The following LRCH2 variants were observed in gnomAD, a reference collection of about 807,000 sequenced individuals.
LRCH2 encodes leucine rich repeats and calponin homology domain containing 2.
LRCH2 carries 38 observed loss-of-function variants against 68.9 expected under a neutral mutation model. That is an observed-to-expected ratio of 0.55 (90% CI 0.43 to 0.72). The LOEUF is 0.72. LRCH2 is among the 30% of genes least tolerant of loss of function. LRCH2 has a pLI of 0.00. For synonymous variants in LRCH2, 191 were observed against 208.1 expected (o/e 0.92, Z 0.71); for missense variants, 528 against 572.9 (o/e 0.92, Z 0.80).
chrX:115,125,681 A>G (rs1159891653), intron 16 of LRCH2, among the ~76,000 whole-genome samples: 2 of 95,981 alleles, frequency 2.1e-5, no homozygotes, highest in East Asian at 3.1e-4. Context: ...ATATATATCA[A>G]TGTAAATTAT....
chrX:115,140,999 G>A (rs1556533988), intron 14 of LRCH2, among the ~76,000 whole-genome samples: 2 of 109,787 alleles, frequency 1.8e-5, no homozygotes, highest in Non-Finnish European at 1.9e-5. Flanking sequence ...TTGGGAGGCC[G>A]AGAGGGGTGG....
rs1189700234 is a variant in LRCH2, at chrX:115,159,725, T to C, written c.1464-3058A>G. Among the ~76,000 whole-genome samples the C allele has an allele frequency of 5.1e-5, 5 of 98,182 alleles. No homozygotes were observed. The South Asian group carries it at 2.6e-3, about 51-fold the overall frequency. 85.3% of individuals were successfully genotyped at this position (98,182 alleles called of 115,157 possible). ...GAGATCACGCCACTGCACTCCAGCC[T>C]GGACGACAGAGTGAGACTGTCTCAA... On this transcript the variant is annotated intron_variant, in intron 11 of 20. Coordinates refer to ENST00000317135, the MANE Select transcript of LRCH2 (RefSeq NM_020871.4).
intron 1 of LRCH2, chrX:115,191,928 C>A: frequency 8.6e-7 from 1 of 1,166,941 alleles, no homozygotes; most frequent in Non-Finnish European, 1.1e-6. Flanking sequence ...TCGATGCCAA[C>A]AGCGGAGGCC....
rs1234687005 is a variant in LRCH2 at position 115,179,660 on chromosome X, T to C, written c.713A>G (p.His238Arg). 1.7e-6 allele frequency: 2 copies of C among 1,146,686 alleles called. No homozygotes were observed. Among genetic ancestry groups the C allele is most frequent in the Non-Finnish European group, 2.3e-6 (2 of 864,264 alleles). 94.5% of individuals were successfully genotyped at this position (1,146,686 alleles called of 1,213,427 possible). A position where few individuals can be genotyped will look rare whatever the true frequency, so the allele number is the denominator to read the frequency against. ...RELNIRRNNL[H>R]VLPDELGDLP... The stretch of plus-strand genomic sequence containing the variant: ...GAACATCTTACCATCTGGCAAAACA[T>C]GAAGATTATTTCTTCTTATATTTAG... Residue 238 changes from histidine (H) to arginine (R), a missense_variant, in exon 4 of 21, where the codon CAT becomes CGT. Coordinates refer to ENST00000317135, the MANE Select transcript of LRCH2 (RefSeq NM_020871.4).
intron 12 of LRCH2, among the ~76,000 whole-genome samples, chrX:115,151,092 T>A (rs2072428282): frequency 9.0e-6 from 1 of 111,666 alleles, no homozygotes; most frequent in Non-Finnish European, 1.9e-5. Flanking sequence ...AATAATAATT[T>A]TTTTAACTCA....
intron 1 of LRCH2, among the ~76,000 whole-genome samples, chrX:115,223,753 T>A (rs782770606): frequency 2.6e-3 from 263 of 100,057 alleles, no homozygotes; most frequent in African/African-American, 8.6e-3. Flanking sequence ...CCGTCTCTAC[T>A]GGAAAAAAAA....
intron 14 of LRCH2, among the ~76,000 whole-genome samples, chrX:115,130,973 C>A (rs1180452510): frequency 2.7e-5 from 3 of 111,571 alleles, no homozygotes; most frequent in Non-Finnish European, 5.6e-5. Context: ...CTTCCGTTTA[C>A]AACTCATGAC....
intron 1 of LRCH2, chrX:115,190,395 G>A (rs781800709): frequency 1.7e-6 from 2 of 1,162,200 alleles, no homozygotes; most frequent in African/African-American, 1.8e-5. Context: ...CTGTGTGGGG[G>A]ACACCGCCAT....
At chrX:115,130,672 C>A (rs1376586742) in intron 14 of LRCH2, among the ~76,000 whole-genome samples, 1 of 111,361 alleles carries the variant, frequency 9.0e-6, no homozygotes, top group Non-Finnish European at 1.9e-5. Context: ...AAACCTACTG[C>A]TTTCATGTTA....
intron 1 of LRCH2, among the ~76,000 whole-genome samples, chrX:115,211,764 C>CCG (rs1281182643): frequency 8.3e-4 from 92 of 111,190 alleles, no homozygotes; most frequent in Admixed American, 2.3e-3. Context: ...TCCACACACC[C>CCG]CCCCAAGATT....
intron 14 of LRCH2, among the ~76,000 whole-genome samples, chrX:115,132,068 T>C (rs1290026796): frequency 8.9e-6 from 1 of 111,864 alleles, no homozygotes; most frequent in Non-Finnish European, 1.9e-5. Flanking sequence ...TTTTTTTGGC[T>C]GTGCAGAAGC....
Position 115,146,906 on chromosome X carries a change from TACACACACACACACACACACAC to T in LRCH2, c.1695+2899_1695+2920del, listed in dbSNP as rs57837250. Among the ~76,000 whole-genome samples, 412 of 67,576 alleles carry T rather than the reference TACACACACACACACACACACAC, an allele frequency of 6.1e-3. 4 individuals carry two copies. The highest frequency in any genetic ancestry group is 9.1e-3 in the Non-Finnish European group (324 of 35,741). 58.7% of individuals were successfully genotyped at this position (67,576 alleles called of 115,157 possible). ...AATACAGTTGGATTTCTTACATACA[TACACACACACACACACACACAC>T]ACACACACACACACACACACACACA... is the stretch of plus-strand genomic sequence containing the variant. On this transcript the variant is annotated intron_variant, in intron 14 of 20. Transcript: ENST00000317135.
rs1281620032 is a variant in LRCH2 at position 115,149,958 on chromosome X, T to C, written c.1579-15A>G. ...TTTTCTAAGGGCTATAATGAGACAA[T>C]TTATTTTAACTAAATAAAAGAGAAC... On this transcript the variant is annotated splice_polypyrimidine_tract_variant and intron_variant, in intron 13 of 20. Coordinates refer to ENST00000317135, the MANE Select transcript of LRCH2 (RefSeq NM_020871.4). 2 of 1,166,148 alleles carry C rather than the reference T, an allele frequency of 1.7e-6. No homozygotes were observed. Among genetic ancestry groups the C allele is most frequent in the Admixed American group, 4.7e-5 (2 of 42,385 alleles).
intron 1 of LRCH2, chrX:115,191,895 C>T (rs1328439948): frequency 6.0e-5 from 70 of 1,164,281 alleles, no homozygotes; most frequent in Non-Finnish European, 6.9e-5. Flanking sequence ...GAGGCCGCTA[C>T]GAGGAGAACC....
At chrX:115,130,462 G>A (rs951055519) in intron 14 of LRCH2, among the ~76,000 whole-genome samples, 2 of 111,465 alleles carry the variant, frequency 1.8e-5, no homozygotes, top group Non-Finnish European at 3.8e-5. Flanking sequence ...CATTCATTCA[G>A]GTGTGCAATC....
chrX:115,210,346 G>A (rs977245411), intron 1 of LRCH2, among the ~76,000 whole-genome samples: 16 of 111,677 alleles, frequency 1.4e-4, no homozygotes, highest in Non-Finnish European at 2.3e-4. Flanking sequence ...TGACTATAAG[G>A]GGCCAAGGTA....
chrX:115,153,615 A>G (rs1044880088), intron 12 of LRCH2, among the ~76,000 whole-genome samples: 2 of 111,199 alleles, frequency 1.8e-5, no homozygotes. Context: ...AAAAAGTAAA[A>G]TGTATGACAA....
chrX:115,212,648 C>T (rs2073015604), intron 1 of LRCH2, among the ~76,000 whole-genome samples: 4 of 109,589 alleles, frequency 3.6e-5, no homozygotes, highest in Admixed American at 2.9e-4. Context: ...TACAAGCATG[C>T]ACCACCAAGC....
chrX:115,221,972 G>C (rs1415683436), intron 1 of LRCH2, among the ~76,000 whole-genome samples: 1 of 109,613 alleles, frequency 9.1e-6, no homozygotes, highest in Non-Finnish European at 1.9e-5. Context: ...CTGAGGCATC[G>C]AACAGCATGA....
Sources: allele counts gnomAD v4.1 joint callset (sites outside exome capture counted in the v4.1 genomes callset), GRCh38; gene constraint gnomAD v4.1.1; transcripts MANE v1.5; gene names NCBI Gene and HGNC (gene_info 2026-07-23, HGNC 2026-07-21).